Variants in ZNF676 observed in about 807,000 individuals in gnomAD.
The protein encoded by ZNF676 is zinc finger protein 676.
A neutral mutation model predicts 6.0 loss-of-function variants in ZNF676; 4 were observed. That is an observed-to-expected ratio of 0.67 (90% CI 0.33 to 1.53). The LOEUF (loss-of-function observed/expected upper bound fraction) is 1.53. ZNF676 is among the 40% of genes most tolerant of loss of function. ZNF676 has a pLI of 0.06. For missense variants in ZNF676, 644 were observed against 679.7 expected (o/e 0.95, Z 0.58); for synonymous variants, 198 against 223.1 (o/e 0.89, Z 1.00).
chr19:22,240,369 G>A, the ZNF676 span, among the ~76,000 whole-genome samples: 1 of 151,926 alleles, frequency 6.6e-6, no homozygotes, highest in Admixed American at 6.5e-5. Flanking sequence ...AGGTAACAGA[G>A]GAGACTCACA....
intron 1 of ZNF676, among the ~76,000 whole-genome samples, chr19:22,208,990 G>T (rs2024103321): frequency 6.6e-6 from 1 of 152,074 alleles, no homozygotes; most frequent in East Asian, 1.9e-4. Flanking sequence ...TATGGGCCGG[G>T]TGCAGTGGCT....
the ZNF676 span, among the ~76,000 whole-genome samples, chr19:22,228,891 G>T: frequency 6.6e-6 from 1 of 152,138 alleles, no homozygotes; most frequent in Non-Finnish European, 1.5e-5. Context: ...CCATGCTCAT[G>T]ATAGGAAGAA....
Position 22,180,000 on chromosome 19 carries a change from A to G in ZNF676, c.1717T>C (p.Ser573Pro). The change falls in exon 3 of 3, where the codon TCC (serine) becomes CCC (proline). Residue 573 changes from serine to proline, a missense_variant. Physicochemically the swap from Ser to Pro is moderately conservative, Grantham distance 74 (BLOSUM62 -1). Coordinates refer to ENST00000397121, the MANE Select transcript of ZNF676 (RefSeq NM_001001411.3). ...CEECGKAFKS[S>P]STVSYHKKIH... is the part of the protein sequence containing the mutation. The stretch of plus-strand genomic sequence containing the variant: ...TTCTTATGATAACTAACAGTTGAGG[A>G]TGACTTAAAAGCTTTGCCACATTCT... 1 of 1,613,910 alleles carries G rather than the reference A, an allele frequency of 6.2e-7. No homozygotes were observed. Among genetic ancestry groups the G allele is most frequent in the Non-Finnish European group, 8.5e-7 (1 of 1,179,906 alleles).
the ZNF676 span, among the ~76,000 whole-genome samples, chr19:22,222,261 C>T: frequency 1.6e-4 from 24 of 152,046 alleles, no homozygotes; most frequent in South Asian, 2.1e-4. Flanking sequence ...CCTGCCACCA[C>T]GCATGGCTAA....
intron 1 of ZNF676, among the ~76,000 whole-genome samples, chr19:22,212,436 C>T (rs1473297882): frequency 1.3e-5 from 2 of 152,148 alleles, no homozygotes; most frequent in Non-Finnish European, 2.9e-5. Context: ...CACAGTGGCT[C>T]ACACCTGCAA....
At chr19:22,207,537 G>A (rs1255827393) in intron 1 of ZNF676, among the ~76,000 whole-genome samples, 1 of 152,150 alleles carries the variant, frequency 6.6e-6, no homozygotes, top group Non-Finnish European at 1.5e-5. Context: ...ATCTACAGAT[G>A]TAATGCTAAT....
the ZNF676 span, among the ~76,000 whole-genome samples, chr19:22,236,896 C>G: frequency 3.3e-5 from 5 of 152,214 alleles, no homozygotes; most frequent in African/African-American, 1.2e-4. Context: ...CCCACCTTGC[C>G]TTTGATGGTT....
chr19:22,209,520 G>A lies in ZNF676; in HGVS notation c.3+6112C>T, dbSNP rs115444158. Among the ~76,000 whole-genome samples the A allele has an allele frequency of 6.0e-3, 910 of 152,042 alleles. 11 individuals are homozygous for A. Among genetic ancestry groups the A allele is most frequent in the African/African-American group, 0.021 (874 of 41,480 alleles). ...AGTTGAGGGTGGGAGGACTAAAAGG[G>A]TCAGAAAAAGTACATTTTTGGTGCT... On this transcript the variant is annotated intron_variant, in intron 1 of 3. Coordinates refer to the ZNF676 transcript ENST00000650058.
upstream of ZNF676, among the ~76,000 whole-genome samples, chr19:22,216,940 A>G (rs1334796474): frequency 4.0e-5 from 6 of 151,774 alleles, no homozygotes; most frequent in Non-Finnish European, 8.8e-5. Flanking sequence ...TTTCTAAAAA[A>G]AAAAAAAAAG....
intron 1 of ZNF676, among the ~76,000 whole-genome samples, chr19:22,215,010 C>CA (rs1239244378): frequency 7.2e-6 from 1 of 139,598 alleles, no homozygotes; most frequent in Non-Finnish European, 1.5e-5. Flanking sequence ...TACTGCACTC[C>CA]AGCCTGGGCG....
At chr19:22,215,804 C>G (rs536123462), upstream of ZNF676, 525 of 684,276 alleles carry the variant, frequency 7.7e-4, 3 homozygotes, top group African/African-American at 8.4e-3. Flanking sequence ...CTGTCCCCCC[C>G]CCCAGCTGCC....
chr19:22,193,510 A>C (rs2023935233), intron 1 of ZNF676, among the ~76,000 whole-genome samples: 2 of 152,014 alleles, frequency 1.3e-5, no homozygotes, highest in South Asian at 4.1e-4. Context: ...TCTCCTTCTT[A>C]TTTTGTCAGA....
At chr19:22,215,018 G>C (rs1449030277) in intron 1 of ZNF676, among the ~76,000 whole-genome samples, 1 of 136,600 alleles carries the variant, frequency 7.3e-6, no homozygotes, top group East Asian at 2.2e-4. Context: ...TCCAGCCTGG[G>C]CGACAGAGCG....
the ZNF676 span, among the ~76,000 whole-genome samples, chr19:22,242,851 G>GC: frequency 6.6e-6 from 1 of 151,468 alleles, no homozygotes; most frequent in South Asian, 2.1e-4. Context: ...GTTGGGGGGG[G>GC]GCTCTCATGA....
At chr19:22,184,138 G>T (rs1447448097) in intron 2 of ZNF676, among the ~76,000 whole-genome samples, 1 of 152,162 alleles carries the variant, frequency 6.6e-6, no homozygotes, top group African/African-American at 2.4e-5. Context: ...GGTGGTTTCT[G>T]CATTTCCAAC....
the ZNF676 span, among the ~76,000 whole-genome samples, chr19:22,221,535 G>T: frequency 6.6e-6 from 1 of 152,072 alleles, no homozygotes; most frequent in Non-Finnish European, 1.5e-5. Context: ...TGGATAACCT[G>T]AGGTCAGGAG....
At chr19:22,185,738 A>G (rs1021720277) in intron 2 of ZNF676, among the ~76,000 whole-genome samples, 6 of 152,350 alleles carry the variant, frequency 3.9e-5, no homozygotes, top group African/African-American at 1.2e-4. Context: ...TGAAGCATGC[A>G]TAAGTATCAA....
the ZNF676 span, among the ~76,000 whole-genome samples, chr19:22,259,368 C>T: frequency 1.3e-5 from 2 of 152,150 alleles, no homozygotes; most frequent in African/African-American, 4.8e-5. Flanking sequence ...ATGAGAGTCA[C>T]ATCACATAGG....
At chr19:22,205,302 T>C (rs1334982913) in intron 1 of ZNF676, among the ~76,000 whole-genome samples, 3 of 152,052 alleles carry the variant, frequency 2.0e-5, no homozygotes, top group Non-Finnish European at 4.4e-5. Context: ...ACCAAATAAA[T>C]AGTCCTAATA....
Sources: gnomAD v4.1 joint callset for allele counts (sites outside exome capture counted in the v4.1 genomes callset) on GRCh38, gnomAD v4.1.1 for gene constraint, MANE v1.5 for transcripts, NCBI Gene and HGNC (gene_info 2026-07-23, HGNC 2026-07-21) for gene names.